CPEB3: variants seen among roughly 807,000 people sequenced by gnomAD.
CPEB3 encodes cytoplasmic polyadenylation element binding protein 3, also known as cytoplasmic polyadenylation element-binding protein 3.
In CPEB3, 20 loss-of-function variants were observed where a neutral mutation model predicts 67.2. That is an observed-to-expected ratio of 0.30 (90% CI 0.21 to 0.43). CPEB3 has a LOEUF of 0.43. CPEB3 is among the 20% of genes least tolerant of loss of function. The probability of loss-of-function intolerance (pLI) is 1.00; values close to 1 mark genes in which losing one functional copy is unlikely to be tolerated. For missense variants in CPEB3, 746 were observed against 968.6 expected (o/e 0.77, Z 3.05); for synonymous variants, 376 against 393.1 (o/e 0.96, Z 0.51).
chr10:92,200,885 T>C (rs889299201), intron 2 of CPEB3, among the ~76,000 whole-genome samples: 1 of 152,134 alleles, frequency 6.6e-6, no homozygotes, highest in Non-Finnish European at 1.5e-5. Context: ...GCTTAGTATA[T>C]CATACACAGA....
intron 4 of CPEB3, among the ~76,000 whole-genome samples, chr10:92,150,105 G>A (rs1484299226): frequency 6.6e-6 from 1 of 152,214 alleles, no homozygotes; most frequent in African/African-American, 2.4e-5. Context: ...GAATGGTAGA[G>A]TAAGAGCTTG....
chr10:92,137,231 T>C, intron 6 of CPEB3: 1 of 533,600 alleles, frequency 1.9e-6, no homozygotes, highest in Non-Finnish European at 3.4e-6. Context: ...GGAGACTACA[T>C]GGGTGCCTCC....
intron 2 of CPEB3, among the ~76,000 whole-genome samples, chr10:92,195,054 C>CACACACAT (rs1469625775): frequency 2.0e-5 from 3 of 149,980 alleles, no homozygotes; most frequent in African/African-American, 7.4e-5. Flanking sequence ...AAAACACACA[C>CACACACAT]ACACACACAC....
rs565799993 is a variant in CPEB3 at position 92,281,481 on chromosome 10, T to C, written c.-12+9445A>G. ...ACAGGATTTCTAAACATTTTCTCCCTTTCTGTGGGTTGCTGTTTCACTACG... is the reference window on the plus strand; with the variant it reads ...ACAGGATTTCTAAACATTTTCTCCCCTTCTGTGGGTTGCTGTTTCACTACG... On this transcript the variant is annotated intron_variant, in intron 1 of 9. Coordinates refer to ENST00000265997, the MANE Select transcript of CPEB3 (RefSeq NM_014912.5). 1.3e-3 allele frequency among the ~76,000 whole-genome samples: 192 copies of C among 152,296 alleles called. 1 individual carries two copies. Among genetic ancestry groups the C allele is most frequent in the African/African-American group, 4.4e-3 (183 of 41,570 alleles).
chr10:92,167,176 CA>C (rs2133990617), intron 4 of CPEB3, among the ~76,000 whole-genome samples: 1 of 152,302 alleles, frequency 6.6e-6, no homozygotes, highest in South Asian at 2.1e-4. Context: ...TTCTTTTACT[CA>C]GGCCACTAAA....
chr10:92,188,646 G>A (rs910418136), intron 3 of CPEB3, among the ~76,000 whole-genome samples: 14 of 152,024 alleles, frequency 9.2e-5, no homozygotes, highest in Admixed American at 7.2e-4. Flanking sequence ...CTTGAACCAG[G>A]GAGGCGGAGG....
intron 8 of CPEB3, among the ~76,000 whole-genome samples, chr10:92,089,259 G>A (rs866340598): frequency 1.3e-5 from 2 of 152,126 alleles, no homozygotes; most frequent in East Asian, 3.9e-4. Flanking sequence ...AAAAGTTGCA[G>A]ATGTTAACTT....
chr10:92,146,985 A>C (rs1467177565), intron 4 of CPEB3, among the ~76,000 whole-genome samples: 1 of 152,208 alleles, frequency 6.6e-6, no homozygotes, highest in African/African-American at 2.4e-5. Context: ...CACATGCGCA[A>C]ATCAGCATTT....
chr10:92,198,868 C>T (rs1849365961), intron 2 of CPEB3, among the ~76,000 whole-genome samples: 1 of 152,132 alleles, frequency 6.6e-6, no homozygotes, highest in South Asian at 2.1e-4. Context: ...TAACTAGCTG[C>T]AGTGTGATCC....
At chr10:92,135,152 A>C (rs1846030864) in intron 6 of CPEB3, among the ~76,000 whole-genome samples, 1 of 152,238 alleles carries the variant, frequency 6.6e-6, no homozygotes, top group Admixed American at 6.5e-5. Flanking sequence ...ACAAAAGCCA[A>C]AATAGACAAA....
In CPEB3 at chr10:92,214,158, G is replaced by A. The variant is rs115564964; in HGVS notation, c.1006-21522C>T. ...ATTGTGGTGATATTAAGAGGTGGGGGGCCTTTTGGGAAGTGATTAAGTCAT... is the reference window on the plus strand; with the variant it reads ...ATTGTGGTGATATTAAGAGGTGGGGAGCCTTTTGGGAAGTGATTAAGTCAT... On this transcript the variant is annotated intron_variant, in intron 2 of 9. Transcript: ENST00000265997. Among the ~76,000 whole-genome samples, 274 of 152,232 alleles carry A rather than the reference G, an allele frequency of 1.8e-3. 1 individual carries two copies. Among genetic ancestry groups the A allele is most frequent in the African/African-American group, 6.4e-3 (265 of 41,538 alleles).
chr10:92,056,273 C>G (rs181148492), intron 9 of CPEB3, among the ~76,000 whole-genome samples: 19 of 152,306 alleles, frequency 1.2e-4, no homozygotes, highest in African/African-American at 4.6e-4. Flanking sequence ...ACCTCTCAAA[C>G]AGCAACAGTC....
chr10:92,055,418 T>A (rs954016461), intron 9 of CPEB3, among the ~76,000 whole-genome samples: 17 of 152,192 alleles, frequency 1.1e-4, no homozygotes, highest in African/African-American at 3.6e-4. Context: ...GCACTTCTCC[T>A]TTTTGGTGCC....
At chr10:92,177,843 CT>C (rs1848291411) in intron 4 of CPEB3, among the ~76,000 whole-genome samples, 1 of 152,076 alleles carries the variant, frequency 6.6e-6, no homozygotes, top group Non-Finnish European at 1.5e-5. Flanking sequence ...GAGGCCATAT[CT>C]TTAGGAGACA....
chr10:92,128,053 A>G (rs1845682128), intron 6 of CPEB3, among the ~76,000 whole-genome samples: 1 of 152,236 alleles, frequency 6.6e-6, no homozygotes, highest in Admixed American at 6.5e-5. Context: ...AAAACTTCAT[A>G]CAGAAAATTG....
chr10:92,290,824 G>A (rs1164397867), intron 1 of CPEB3, 102 bp downstream of exon 1: 1 of 152,476 alleles, frequency 6.6e-6, no homozygotes, highest in South Asian at 2.1e-4. Flanking sequence ...CGGGGCCGGG[G>A]ACCCTGATAA....
intron 7 of CPEB3, among the ~76,000 whole-genome samples, chr10:92,100,804 G>T (rs779740179): frequency 3.3e-5 from 5 of 151,972 alleles, no homozygotes; most frequent in Non-Finnish European, 7.4e-5. Context: ...TGTTAGCCAG[G>T]ATGGTCTCGA....
intron 4 of CPEB3, among the ~76,000 whole-genome samples, chr10:92,170,762 G>A (rs943504397): frequency 1.3e-5 from 2 of 152,102 alleles, no homozygotes; most frequent in African/African-American, 4.8e-5. Flanking sequence ...ACATAACAGA[G>A]TATTTTGTAT....
At chr10:92,122,310 A>G (rs1845425490) in intron 6 of CPEB3, among the ~76,000 whole-genome samples, 1 of 152,234 alleles carries the variant, frequency 6.6e-6, no homozygotes, top group African/African-American at 2.4e-5. Context: ...AGGCCACGGC[A>G]TGGAAAGGCC....
Sources: gnomAD v4.1 joint callset for allele counts (sites outside exome capture counted in the v4.1 genomes callset) on GRCh38, gnomAD v4.1.1 for gene constraint, MANE v1.5 for transcripts, NCBI Gene and HGNC (gene_info 2026-07-23, HGNC 2026-07-21) for gene names.